Variants in ZDHHC23 observed in about 807,000 individuals in gnomAD.
ZDHHC23 encodes zDHHC palmitoyltransferase 23, also known as palmitoyltransferase ZDHHC23.
ZDHHC23 carries 41 observed loss-of-function variants against 40.2 expected under a neutral mutation model. That is an observed-to-expected ratio of 1.02 (90% confidence interval 0.79 to 1.32). ZDHHC23 has a LOEUF of 1.32. Among genes scored for constraint, ZDHHC23 ranks in the 40% most tolerant of loss-of-function variants. The pLI, the probability that ZDHHC23 is intolerant of heterozygous loss-of-function variation, is 0.00. For missense variants in ZDHHC23, 471 were observed against 541.5 expected, an observed-to-expected ratio of 0.87 and a Z score of 1.29; for synonymous variants, 204 against 210.2, an observed-to-expected ratio of 0.97 and a Z score of 0.26.
chr3:113,966,086 A>G (rs965233022), downstream of ZDHHC23, among the ~76,000 whole-genome samples: 4 of 152,178 alleles, frequency 2.6e-5, no homozygotes, highest in Non-Finnish European at 5.9e-5. Flanking sequence ...CCTCAACGCA[A>G]AAATGATGGA....
chr3:113,956,608 T>A, intron 4 of ZDHHC23, 102 bp downstream of exon 4: 2 of 1,232,142 alleles, frequency 1.6e-6, no homozygotes, highest in Non-Finnish European at 2.2e-6. Flanking sequence ...AATCAAAACA[T>A]AGGCCAGGCT....
the ZDHHC23 span, among the ~76,000 whole-genome samples, chr3:113,974,779 C>G: frequency 6.6e-6 from 1 of 152,104 alleles, no homozygotes; most frequent in Non-Finnish European, 1.5e-5. Flanking sequence ...TGTTCTCCTG[C>G]TATGTGGCTG....
chr3:113,952,701 T>A (rs1486906441), intron 2 of ZDHHC23, among the ~76,000 whole-genome samples: 3 of 152,204 alleles, frequency 2.0e-5, no homozygotes, highest in African/African-American at 7.2e-5. Context: ...AAACAACAGA[T>A]ATTTATTGCT....
the ZDHHC23 span, chr3:113,978,169 C>A: frequency 5.6e-6 from 9 of 1,613,370 alleles, no homozygotes; most frequent in African/African-American, 4.0e-5. Context: ...GAATTTTCCT[C>A]ACTATCAAAA....
At chr3:113,975,126 C>T in the ZDHHC23 span, among the ~76,000 whole-genome samples, 1 of 151,572 alleles carries the variant, frequency 6.6e-6, no homozygotes, top group Non-Finnish European at 1.5e-5. Context: ...TTCATTACTA[C>T]CTACTTCATG....
chr3:113,956,647 C>T, intron 4 of ZDHHC23, 141 bp downstream of exon 4: 1 of 878,364 alleles, frequency 1.1e-6, no homozygotes, highest in Non-Finnish European at 1.7e-6. Context: ...CCTGGAATTG[C>T]CAGCAAAATT....
chr3:113,952,398 T>A (rs189487698), intron 2 of ZDHHC23, among the ~76,000 whole-genome samples: 87 of 152,270 alleles, frequency 5.7e-4, no homozygotes, highest in Non-Finnish European at 9.0e-4. Flanking sequence ...GCTTTTACTG[T>A]CCATATTTCT....
chr3:113,950,112 C>G (rs1448113658), intron 2 of ZDHHC23, among the ~76,000 whole-genome samples: 1 of 152,204 alleles, frequency 6.6e-6, no homozygotes, highest in Non-Finnish European at 1.5e-5. Flanking sequence ...CTCCTCTGCT[C>G]TCTCTGTACC....
At chr3:113,978,743 A>T in the ZDHHC23 span, 1 of 1,073,586 alleles carries the variant, frequency 9.3e-7, no homozygotes, top group Non-Finnish European at 1.4e-6. Context: ...GGGATTGACT[A>T]CTCTTTTGTT....
rs778515187 is a variant in ZDHHC23 at position 113,958,774 on chromosome 3, A to G, written c.*144A>G. The G allele has an allele frequency of 9.0e-6, 14 of 1,550,898 alleles. No individual in the cohort carries two copies. The highest frequency in any genetic ancestry group is 1.0e-5 in the Non-Finnish European group (12 of 1,150,704). ...AGGTTTAGAGACTGGAGTGGGAAGAAGTTAATTTTTCTGACGCCACAACTT... is the reference window on the plus strand; with the variant it reads ...AGGTTTAGAGACTGGAGTGGGAAGAGGTTAATTTTTCTGACGCCACAACTT... On this transcript the variant is annotated 3_prime_UTR_variant, in exon 5 of 5. Coordinates refer to ENST00000638807, the MANE Select transcript of ZDHHC23 (RefSeq NM_001320466.2).
chr3:113,950,782 TC>T (rs1208252659), intron 2 of ZDHHC23, among the ~76,000 whole-genome samples: 2 of 152,168 alleles, frequency 1.3e-5, no homozygotes, highest in Non-Finnish European at 2.9e-5. Context: ...ATACGATTCA[TC>T]CTGAGACAAG....
At chr3:113,948,477 C>A (rs1246762874) in intron 1 of ZDHHC23, 1 of 275,962 alleles carries the variant, frequency 3.6e-6, no homozygotes, top group Non-Finnish European at 6.9e-6. Flanking sequence ...GCGCAACCGC[C>A]CGCGCCCCGG....
Position 113,948,826 on chromosome 3 carries a change from G to A in ZDHHC23, c.24G>A (p.Lys8=), listed in dbSNP as rs1938382124. Residue 8 remains lysine, a synonymous_variant, in exon 2 of 5, where the codon AAG becomes AAA. Transcript: ENST00000638807. MTQKGSM[K]PVKKKKTEEP... ...TCATGACACAGAAGGGCAGTATGAAGCCTGTGAAGAAAAAGAAAACCGAAG... is the reference window on the plus strand; with the variant it reads ...TCATGACACAGAAGGGCAGTATGAAACCTGTGAAGAAAAAGAAAACCGAAG... The A allele has an allele frequency of 6.2e-7, 1 of 1,614,036 alleles. No individual in the cohort carries two copies. The highest frequency in any genetic ancestry group is 8.5e-7 in the Non-Finnish European group (1 of 1,180,038).
chr3:113,971,357 A>G, the ZDHHC23 span, among the ~76,000 whole-genome samples: 1 of 152,236 alleles, frequency 6.6e-6, no homozygotes, highest in Admixed American at 6.5e-5. Context: ...GGCTGCATAA[A>G]TGTCTTCTTT....
downstream of ZDHHC23, chr3:113,965,503 CAG>C (rs1940033876): frequency 2.2e-6 from 1 of 459,406 alleles, no homozygotes; most frequent in Non-Finnish European, 3.8e-6. Flanking sequence ...GGGATTATGA[CAG>C]TGTGAAATGC....
the ZDHHC23 span, chr3:113,978,150 T>C: frequency 6.2e-7 from 1 of 1,610,440 alleles, no homozygotes; most frequent in Non-Finnish European, 8.5e-7. Flanking sequence ...AATTGTGAAG[T>C]CAGAGAGTGA....
At chr3:113,957,678 A>G (rs1237500030) in intron 4 of ZDHHC23, 1 of 502,926 alleles carries the variant, frequency 2.0e-6, no homozygotes, top group South Asian at 1.5e-5. Context: ...AAGATTCTGA[A>G]TGAACTTATT....
Position 113,958,536 on chromosome 3 carries a change from C to T in ZDHHC23, c.1214C>T (p.Thr405Ile). ...CTCCTCTGCGGGCTCATCGTGGACA[C>T]AGGCCAGTACAATAGGGGCTTCCTG... is the stretch of plus-strand genomic sequence containing the variant. ...RRLLCGLIVD[T>I]GQYNRGFLRN... Residue 405 changes from threonine (T) to isoleucine (I), a missense_variant, in exon 5 of 5, where the codon ACA (threonine) becomes ATA (isoleucine). Transcript: ENST00000638807. The T allele has an allele frequency of 6.2e-7, 1 of 1,613,174 alleles. No homozygotes were observed. Among genetic ancestry groups the T allele is most frequent in the Non-Finnish European group, 8.5e-7 (1 of 1,180,018 alleles).
In ZDHHC23 at chr3:113,959,656, G is replaced by A. The variant is rs1238767358; in HGVS notation, c.*1026G>A. 7 of 1,170,352 alleles carry A rather than the reference G, an allele frequency of 6.0e-6. No homozygotes were observed. Among genetic ancestry groups the A allele is most frequent in the Non-Finnish European group, 7.7e-6 (7 of 909,650 alleles). 72.5% of individuals were successfully genotyped at this position (1,170,352 alleles called of 1,614,324 possible). On this transcript the variant is annotated 3_prime_UTR_variant, in exon 5 of 5. Transcript: ENST00000638807. Reference sequence around the variant, plus strand: ...ATTATTTTCTTCATGTATTTCAAATGCTGTCAGTTATAGCACTAAATTGTG... The same window carrying A: ...ATTATTTTCTTCATGTATTTCAAATACTGTCAGTTATAGCACTAAATTGTG...
Sources: gnomAD v4.1 joint callset for allele counts (sites outside exome capture counted in the v4.1 genomes callset) on GRCh38, gnomAD v4.1.1 for gene constraint, MANE v1.5 for transcripts, NCBI Gene and HGNC (gene_info 2026-07-23, HGNC 2026-07-21) for gene names.